Variants in FGD6 observed in about 807,000 individuals in gnomAD.
FGD6 encodes the protein FYVE, RhoGEF and PH domain containing 6.
Under a neutral mutation model 149.4 loss-of-function variants are expected in FGD6, and 90 were observed. The observed-to-expected ratio is 0.60, with a 90% confidence interval of 0.51 to 0.72. The LOEUF (loss-of-function observed/expected upper bound fraction) is 0.72, where lower values mean the gene tolerates loss of function less well. Among genes scored for constraint, FGD6 ranks in the 30% least tolerant of loss-of-function variants. The pLI is 0.00. For synonymous variants in FGD6, 527 were observed against 584.0 expected, an observed-to-expected ratio of 0.90 and a Z score of 1.41; for missense variants, 1,437 against 1,684.8, an observed-to-expected ratio of 0.85 and a Z score of 2.57.
intron 8 of FGD6, among the ~76,000 whole-genome samples, chr12:95,119,635 C>A (rs1288966802): frequency 6.6e-6 from 1 of 152,220 alleles, no homozygotes; most frequent in Non-Finnish European, 1.5e-5. Flanking sequence ...ATAAGTAACA[C>A]TGATTAGCAC....
chr12:95,172,751 T>G lies in FGD6; in HGVS notation c.2442-7A>C. The G allele has an allele frequency of 6.3e-7, 1 of 1,575,138 alleles. No individual in the cohort carries two copies. The highest frequency in any genetic ancestry group is 8.6e-7 in the Non-Finnish European group (1 of 1,156,898). On this transcript the variant is annotated splice_region_variant and splice_polypyrimidine_tract_variant and intron_variant, in intron 2 of 20. Transcript: ENST00000343958. ...CTCCTGGGATGCTCCTGAACTGCAT[T>G]CAACAGAAAGCAGGTATTAGTCACC...
intron 18 of FGD6, among the ~76,000 whole-genome samples, chr12:95,086,180 G>C (rs963389487): frequency 6.6e-6 from 1 of 152,128 alleles, no homozygotes; most frequent in Non-Finnish European, 1.5e-5. Context: ...GTTCATCTGT[G>C]TTTTCTGGGT....
At chr12:95,193,436 C>T (rs1387343469) in intron 2 of FGD6, among the ~76,000 whole-genome samples, 1 of 151,710 alleles carries the variant, frequency 6.6e-6, no homozygotes, top group East Asian at 1.9e-4. Context: ...CAGCTCACTG[C>T]AACCTCTGCC....
intron 8 of FGD6, 105 bp from the exon 9 acceptor site, chr12:95,113,806 G>T: frequency 1.5e-6 from 1 of 646,028 alleles, no homozygotes; most frequent in South Asian, 2.4e-5. Flanking sequence ...TAATATACAT[G>T]CTAGTCCAAC....
chr12:95,121,450 C>CAAAA (rs1326575097), intron 8 of FGD6, among the ~76,000 whole-genome samples: 2 of 105,614 alleles, frequency 1.9e-5, no homozygotes, highest in African/African-American at 4.0e-5. Flanking sequence ...AATTCCGTCT[C>CAAAA]AAAAAAAAAA....
At chr12:95,150,436 C>G (rs532767542) in intron 5 of FGD6, among the ~76,000 whole-genome samples, 1 of 152,202 alleles carries the variant, frequency 6.6e-6, no homozygotes, top group East Asian at 1.9e-4. Context: ...AAAAACCTTC[C>G]TATTAACTTG....
intron 5 of FGD6, among the ~76,000 whole-genome samples, chr12:95,149,153 A>C (rs1395476381): frequency 6.7e-5 from 1 of 14,930 alleles, no homozygotes; most frequent in Non-Finnish European, 8.5e-5. Context: ...ATATTATATA[A>C]TATATAGCAT....
Position 95,161,936 on chromosome 12 carries a change from T to C in FGD6, c.2587-8943A>G, listed in dbSNP as rs1880653205. Among the ~76,000 whole-genome samples, 5 of 152,008 alleles carry C rather than the reference T, an allele frequency of 3.3e-5. No homozygotes were observed. In the South Asian group the frequency reaches 1.0e-3, roughly 32 times the overall value. On this transcript the variant is annotated intron_variant, in intron 3 of 20. Transcript: ENST00000343958. ...CCAGGTACTGTCTTAGAAATTCTGA[T>C]TGTGTAGGTCTAAAATGGAGCATTA...
intron 8 of FGD6, among the ~76,000 whole-genome samples, chr12:95,130,663 G>C (rs914741144): frequency 6.6e-6 from 1 of 152,038 alleles, no homozygotes; most frequent in African/African-American, 2.4e-5. Context: ...AGGATCACTT[G>C]ACCCCAGGAG....
At chr12:95,132,671 G>C (rs1408425851) in intron 8 of FGD6, among the ~76,000 whole-genome samples, 1 of 152,156 alleles carries the variant, frequency 6.6e-6, no homozygotes, top group Non-Finnish European at 1.5e-5. Context: ...AGAATCTCTT[G>C]AATCCAGGAG....
intron 2 of FGD6, among the ~76,000 whole-genome samples, chr12:95,179,170 G>T (rs1352392621): frequency 1.3e-5 from 2 of 152,004 alleles, no homozygotes; most frequent in African/African-American, 4.8e-5. Flanking sequence ...AAGTAATTAC[G>T]AGGATTCTTA....
intron 3 of FGD6, among the ~76,000 whole-genome samples, chr12:95,159,064 T>C (rs900223385): frequency 2.0e-5 from 3 of 152,164 alleles, no homozygotes; most frequent in African/African-American, 7.2e-5. Context: ...GTGGAAGCAT[T>C]TGACTACTGG....
intron 3 of FGD6, among the ~76,000 whole-genome samples, chr12:95,161,677 C>A (rs1880645944): frequency 6.6e-6 from 1 of 152,088 alleles, no homozygotes. Context: ...TCACTGAGCA[C>A]AGAATTCATA....
chr12:95,216,286 T>G (rs571814984), intron 1 of FGD6, among the ~76,000 whole-genome samples: 4 of 152,362 alleles, frequency 2.6e-5, no homozygotes, highest in Non-Finnish European at 5.9e-5. Context: ...AATCTGATAC[T>G]TAAGTGCTGA....
At chr12:95,187,951 C>T (rs572873264) in intron 2 of FGD6, among the ~76,000 whole-genome samples, 6 of 152,218 alleles carry the variant, frequency 3.9e-5, no homozygotes, top group South Asian at 2.1e-4. Flanking sequence ...CATATAATGA[C>T]GAATTCACAG....
intron 5 of FGD6, among the ~76,000 whole-genome samples, chr12:95,142,360 G>T (rs893762862): frequency 1.4e-4 from 21 of 151,976 alleles, no homozygotes; most frequent in African/African-American, 4.8e-4. Flanking sequence ...GGCCAGGCTG[G>T]TCTCGAATTC....
intron 2 of FGD6, chr12:95,189,416 T>C (rs1162699156): frequency 2.6e-5 from 4 of 152,232 alleles, no homozygotes; most frequent in African/African-American, 9.7e-5. Flanking sequence ...GGGAAGCCGA[T>C]GAGGGAGGAT....
chr12:95,195,318 C>T (rs2136296144), intron 2 of FGD6, among the ~76,000 whole-genome samples: 1 of 152,130 alleles, frequency 6.6e-6, no homozygotes, highest in Non-Finnish European at 1.5e-5. Flanking sequence ...GAATCTCTGC[C>T]AAAGAATACT....
At chr12:95,148,814 T>TAGC (rs1880132905) in intron 5 of FGD6, among the ~76,000 whole-genome samples, 1 of 56,034 alleles carries the variant, frequency 1.8e-5, no homozygotes, top group African/African-American at 6.2e-5. Context: ...TTATATTACA[T>TAGC]ATATTATATA....
Sources: gnomAD v4.1 joint callset for allele counts (sites outside exome capture counted in the v4.1 genomes callset) on GRCh38, gnomAD v4.1.1 for gene constraint, MANE v1.5 for transcripts, NCBI Gene and HGNC (gene_info 2026-07-23, HGNC 2026-07-21) for gene names.